CLUL1: variants seen among roughly 807,000 people sequenced by gnomAD.
CLUL1 encodes the protein clusterin like 1.
In CLUL1, 43 loss-of-function variants were observed where a neutral mutation model predicts 49.4. That is an observed-to-expected ratio of 0.87 (90% CI 0.68 to 1.12). CLUL1 has a LOEUF of 1.12. Among genes scored for constraint, CLUL1 ranks in the 50% most tolerant of loss-of-function variants. The pLI is 0.00. For synonymous variants in CLUL1, 192 were observed against 184.9 expected (o/e 1.04, Z -0.31); for missense variants, 486 against 544.4 (o/e 0.89, Z 1.07).
intron 9 of CLUL1, among the ~76,000 whole-genome samples, chr18:648,135 C>T (rs2074565401): frequency 6.6e-6 from 1 of 152,224 alleles, no homozygotes; most frequent in Non-Finnish European, 1.5e-5. Flanking sequence ...GAGGTTCACT[C>T]TACAGCGCTG....
intron 8 of CLUL1, among the ~76,000 whole-genome samples, chr18:643,222 A>G (rs1468002704): frequency 6.6e-6 from 1 of 152,224 alleles, no homozygotes; most frequent in Admixed American, 6.5e-5. Flanking sequence ...TCCATTTTGT[A>G]TGTGTATATG....
intron 9 of CLUL1, among the ~76,000 whole-genome samples, chr18:647,657 A>C (rs1429513585): frequency 6.6e-6 from 1 of 152,152 alleles, no homozygotes; most frequent in Non-Finnish European, 1.5e-5. Flanking sequence ...AGGAGAGAGG[A>C]GAGTCTTGGT....
chr18:602,285 A>G (rs575378904), intron 1 of CLUL1, among the ~76,000 whole-genome samples: 1 of 152,290 alleles, frequency 6.6e-6, no homozygotes, highest in African/African-American at 2.4e-5. Flanking sequence ...ACAGAGATTT[A>G]GTGTGTGCTG....
Position 618,080 on chromosome 18 carries a change from AAACTGCTATCAGTG to A in CLUL1, c.83_96del (p.Thr28LysfsTer7). On this transcript the variant is annotated frameshift_variant, in exon 3 of 10. Transcript: ENST00000692774. LOFTEE classifies it high-confidence loss of function. This position sits in a 1 kb window ranked among gnomAD's most constrained non-coding sequence, Gnocchi z 4.2. Reference sequence around the variant, plus strand: ...CACTGCGCACCCACTTGGAAGGACAAAACTGCTATCAGTGAAAACCTGAAGAGTACGTTTGGTTT... The same window carrying A: ...CACTGCGCACCCACTTGGAAGGACAAAAAACCTGAAGAGTACGTTTGGTTT... 1 of 1,613,958 alleles carries A rather than the reference AAACTGCTATCAGTG, an allele frequency of 6.2e-7. No individual in the cohort carries two copies. Among genetic ancestry groups the A allele is most frequent in the Non-Finnish European group, 8.5e-7 (1 of 1,179,834 alleles).
At chr18:624,719 TGG>T in intron 4 of CLUL1, 144 bp from the exon 5 acceptor site, 1 of 664,148 alleles carries the variant, frequency 1.5e-6, no homozygotes, top group Non-Finnish European at 2.6e-6. Context: ...CAGAAAGCTT[TGG>T]GGGAGATCTG....
chr18:635,211 G>A (rs1393343182), intron 7 of CLUL1, among the ~76,000 whole-genome samples: 5 of 152,166 alleles, frequency 3.3e-5, no homozygotes, highest in Non-Finnish European at 7.4e-5. Flanking sequence ...TAGATTCCTG[G>A]AAGACAATTT....
chr18:636,401 C>T (rs968836799), intron 7 of CLUL1, among the ~76,000 whole-genome samples: 7 of 135,102 alleles, frequency 5.2e-5, no homozygotes, highest in Admixed American at 2.9e-4. Flanking sequence ...CTGTAAATTA[C>T]ATATTAATAT....
chr18:649,792 G>A, intron 9 of CLUL1, 106 bp from the exon 10 acceptor site: 1 of 740,812 alleles, frequency 1.3e-6, no homozygotes, highest in South Asian at 1.7e-5. Context: ...CCAACAGCAG[G>A]TATTCTATTA....
rs779651683 is a variant in CLUL1, at chr18:644,987, C to T, written c.1287C>T (p.Ser429=). The change falls in exon 9 of 10, where the codon TCC becomes TCT. Residue 429 remains serine (S), a synonymous_variant. Coordinates refer to ENST00000692774, the MANE Select transcript of CLUL1 (RefSeq NM_001393344.1). ...TGACAGACTTAAGCATTCTGCCTTC[C>T]TCTAATTTCACACTCAAGATCCCTC... ...TMMTDLSILP[S]SNFTLKIPLE... 9.9e-6 allele frequency: 16 copies of T among 1,613,452 alleles called. No individual in the cohort carries two copies. Among genetic ancestry groups the T allele is most frequent in the Middle Eastern group, 1.6e-4 (1 of 6,084 alleles).
chr18:633,847 G>GTAATCGGAATGAATCAGGGCGGAGCA (rs1567972382), intron 7 of CLUL1, among the ~76,000 whole-genome samples: 1 of 107,750 alleles, frequency 9.3e-6, no homozygotes, highest in East Asian at 3.2e-4. Flanking sequence ...AGGGCGGAGC[G>GTAATCGGAATGAATCAGGGCGGAGCA]TGTAATCGGA....
At chr18:645,272 C>A (rs1481825618) in intron 9 of CLUL1, 175 bp downstream of exon 9, 8 of 474,146 alleles carry the variant, frequency 1.7e-5, no homozygotes, top group East Asian at 3.4e-5. Flanking sequence ...TAAAAAAAAA[C>A]CCAGGAAATC....
chr18:598,182 G>T (rs2072712343), intron 1 of CLUL1: 1 of 178,378 alleles, frequency 5.6e-6, no homozygotes, highest in East Asian at 1.4e-4. Context: ...CAATTATCGG[G>T]AAGAGATGAG....
At chr18:621,942 T>C (rs966741632) in intron 4 of CLUL1, among the ~76,000 whole-genome samples, 5 of 152,146 alleles carry the variant, frequency 3.3e-5, no homozygotes, top group African/African-American at 1.2e-4. Context: ...AAGCAACTAG[T>C]AGAATTTTTG....
At position 647,695 on chromosome 18, in the gene CLUL1, T is replaced by A. The variant is rs1268137127; in HGVS notation, c.1398-2203T>A. 3.3e-5 allele frequency among the ~76,000 whole-genome samples: 5 copies of A among 152,266 alleles called. No individual in the cohort carries two copies. In the East Asian group the frequency reaches 7.7e-4, roughly 24 times the overall value. ...ACAGTCCCCATGTAGTACCCCTTTG[T>A]TTAGGTTACTGAGTCATCAACAGAT... On this transcript the variant is annotated intron_variant, in intron 9 of 9. Coordinates refer to ENST00000692774, the MANE Select transcript of CLUL1 (RefSeq NM_001393344.1).
chr18:604,128 G>A (rs764707948), intron 1 of CLUL1, among the ~76,000 whole-genome samples: 3 of 152,174 alleles, frequency 2.0e-5, no homozygotes, highest in African/African-American at 2.4e-5. Context: ...TGATCCAACC[G>A]CCTTGGCCTC....
At chr18:604,654 C>T (rs976722041) in intron 1 of CLUL1, among the ~76,000 whole-genome samples, 1 of 152,058 alleles carries the variant, frequency 6.6e-6, no homozygotes, top group African/African-American at 2.4e-5. Context: ...AACTTGACAA[C>T]AGTGATGCAG....
chr18:607,304 T>C (rs369215070), intron 2 of CLUL1, among the ~76,000 whole-genome samples: 1 of 152,252 alleles, frequency 6.6e-6, no homozygotes, highest in Admixed American at 6.5e-5. Flanking sequence ...AATTTTTGTA[T>C]TTTTAGTAGA....
intron 9 of CLUL1, among the ~76,000 whole-genome samples, chr18:648,083 G>T (rs1419957786): frequency 6.6e-6 from 1 of 152,240 alleles, no homozygotes; most frequent in Non-Finnish European, 1.5e-5. Flanking sequence ...GAAGGCAAAG[G>T]TGGGAAGAGG....
rs1370721708 is a variant in CLUL1 at position 606,387 on chromosome 18, A to G, written c.-135-591A>G. ...ATGTCACCAACCTTTCTCTGAGGGA[A>G]CCTACTGGCCACCTCCCTCTTAGGA... On this transcript the variant is annotated intron_variant, in intron 1 of 9. Transcript: ENST00000692774. This position sits in a 1 kb window ranked among gnomAD's most constrained non-coding sequence, Gnocchi z 4.1. 6.6e-6 allele frequency among the ~76,000 whole-genome samples: 1 copy of G among 152,206 alleles called. No homozygotes were observed. The highest frequency in any genetic ancestry group is 2.4e-5 in the African/African-American group (1 of 41,454).
Sources: allele counts gnomAD v4.1 joint callset (sites outside exome capture counted in the v4.1 genomes callset), GRCh38; gene constraint gnomAD v4.1.1; non-coding constraint Gnocchi (gnomAD v3.1); transcripts MANE v1.5; gene names NCBI Gene and HGNC (gene_info 2026-07-23, HGNC 2026-07-21).